Variants in TJP1 observed in about 807,000 individuals in gnomAD.
TJP1 encodes the protein tight junction protein 1, also known as tight junction protein ZO-1.
Under a neutral mutation model 194.2 loss-of-function variants are expected in TJP1, and 43 were observed. The ratio of observed to expected loss-of-function variants is 0.22; its 90% CI spans 0.17 to 0.29. The LOEUF is 0.29. TJP1 is among the 10% of genes least tolerant of loss of function. The probability of loss-of-function intolerance (pLI) is 1.00; values close to 1 mark genes in which losing one functional copy is unlikely to be tolerated. For missense variants in TJP1, 1,971 were observed against 2,185.7 expected, an observed-to-expected ratio of 0.90 and a Z score of 1.96; for synonymous variants, 801 against 779.0, an observed-to-expected ratio of 1.03 and a Z score of -0.47.
At chr15:29,939,000 T>C (rs539489421) in intron 2 of TJP1, among the ~76,000 whole-genome samples, 16 of 152,320 alleles carry the variant, frequency 1.1e-4, no homozygotes, top group African/African-American at 3.1e-4. Context: ...CTTCTGGCTG[T>C]TGGAAGATTT....
chr15:29,716,414 C>CA (rs1344147025), intron 23 of TJP1, among the ~76,000 whole-genome samples, 197 bp downstream of exon 23: 4 of 152,148 alleles, frequency 2.6e-5, no homozygotes, highest in Admixed American at 1.3e-4. Context: ...TTTGTGAATG[C>CA]AAAAACTATG....
intron 2 of TJP1, among the ~76,000 whole-genome samples, chr15:29,865,849 T>C (rs2052283925): frequency 6.6e-6 from 1 of 152,162 alleles, no homozygotes. Context: ...GCTGAAAAGC[T>C]AAAGAAATAG....
intron 2 of TJP1, among the ~76,000 whole-genome samples, chr15:29,939,547 T>C (rs1394441002): frequency 6.6e-6 from 1 of 152,024 alleles, no homozygotes; most frequent in East Asian, 1.9e-4. Context: ...ACTCTGAAGG[T>C]GAAAGCTGGC....
At chr15:29,766,566 A>G in intron 4 of TJP1, 24 bp from the exon 5 acceptor site, 1 of 1,522,548 alleles carries the variant, frequency 6.6e-7, no homozygotes, top group Non-Finnish European at 8.8e-7. Flanking sequence ...AGGTTAAAAA[A>G]TAAGTTGACT....
intron 2 of TJP1, among the ~76,000 whole-genome samples, chr15:29,870,598 G>T (rs1407499977): frequency 6.6e-6 from 1 of 152,204 alleles, no homozygotes; most frequent in African/African-American, 2.4e-5. Flanking sequence ...CACAGAAAAT[G>T]CTTCTGTTGA....
At chr15:29,918,342 A>T (rs890421212) in intron 2 of TJP1, among the ~76,000 whole-genome samples, 4 of 152,208 alleles carry the variant, frequency 2.6e-5, no homozygotes, top group African/African-American at 9.7e-5. Flanking sequence ...TCACTCTTAC[A>T]TGTGAACAGA....
chr15:29,741,378 T>C lies in TJP1; in HGVS notation c.1209A>G (p.Pro403=), dbSNP rs1443426216. Residue 403 remains proline (P), a synonymous_variant, in exon 10 of 28, where the codon CCA becomes CCG. Coordinates refer to ENST00000614355, the MANE Select transcript of TJP1 (RefSeq NM_001330239.4). Reference sequence around the variant, plus strand: ...TTGAATTAGGTAGGACACCATCAGATGGACTGACAGGTAAATCCACATCTG... The same window carrying C: ...TTGAATTAGGTAGGACACCATCAGACGGACTGACAGGTAAATCCACATCTG... ...GQPDVDLPVS[P]SDGVLPNSTH... is the part of the protein sequence containing the mutation. 6.2e-7 allele frequency: 1 copy of C among 1,600,400 alleles called. No homozygotes were observed. The highest frequency in any genetic ancestry group is 8.5e-7 in the Non-Finnish European group (1 of 1,176,482).
chr15:29,798,972 C>T (rs2048598505), intron 2 of TJP1, among the ~76,000 whole-genome samples: 1 of 152,096 alleles, frequency 6.6e-6, no homozygotes, highest in African/African-American at 2.4e-5. Flanking sequence ...AAAAAGAAAC[C>T]ATATCATTGG....
intron 2 of TJP1, among the ~76,000 whole-genome samples, chr15:29,837,346 G>T (rs1308912580): frequency 6.6e-6 from 1 of 152,096 alleles, no homozygotes; most frequent in Admixed American, 6.5e-5. Context: ...ATCACCTGAG[G>T]TCGGGACTTC....
At chr15:29,820,159 CTTTT>C (rs34650430) in intron 1 of TJP1, among the ~76,000 whole-genome samples, 9 of 135,070 alleles carry the variant, frequency 6.7e-5, no homozygotes, top group East Asian at 2.1e-4. Flanking sequence ...TTAATGTTGC[CTTTT>C]TTTTTTTTTT....
chr15:29,723,740 T>C (rs2043075099), intron 18 of TJP1, among the ~76,000 whole-genome samples: 1 of 152,206 alleles, frequency 6.6e-6, no homozygotes, highest in Admixed American at 6.5e-5. Context: ...TGCTTTTCTT[T>C]TGTTAAGTAA....
intron 2 of TJP1, among the ~76,000 whole-genome samples, chr15:29,909,082 A>G (rs1488427271): frequency 1.3e-4 from 20 of 151,252 alleles, no homozygotes; most frequent in African/African-American, 3.9e-4. Flanking sequence ...GCATGAACCC[A>G]GGAGGCGGAG....
intron 2 of TJP1, among the ~76,000 whole-genome samples, chr15:29,831,553 G>A (rs2050837051): frequency 6.6e-6 from 1 of 152,138 alleles, no homozygotes; most frequent in African/African-American, 2.4e-5. Context: ...GCCTATATAG[G>A]AAAAGAGACC....
chr15:29,853,608 T>C (rs1259560115), intron 2 of TJP1, among the ~76,000 whole-genome samples: 1 of 152,208 alleles, frequency 6.6e-6, no homozygotes, highest in Admixed American at 6.5e-5. Context: ...TAGGTGGCTG[T>C]ATTTTTCCCC....
chr15:29,796,696 A>C (rs1045596300), intron 2 of TJP1, among the ~76,000 whole-genome samples: 5 of 152,226 alleles, frequency 3.3e-5, no homozygotes, highest in African/African-American at 1.2e-4. Context: ...ATTTATACAG[A>C]AAGGCAAAGG....
Position 29,781,308 on chromosome 15 carries a change from G to A in TJP1, c.85-7951C>T, listed in dbSNP as rs117152580. 4.0e-3 allele frequency among the ~76,000 whole-genome samples: 613 copies of A among 151,990 alleles called. 15 individuals carry two copies. In the East Asian group the frequency reaches 0.076, roughly 19 times the overall value. ...ATCTCTGAACATACCAGTAACAAAC[G>A]CCGAAAGTGAATCAGTAGTAAATAG... On this transcript the variant is annotated intron_variant, in intron 2 of 27. Transcript: ENST00000614355.
rs1259491146 is a variant in TJP1 at position 29,734,473 on chromosome 15, T to A, written c.1408-91A>T. 5 of 966,280 alleles carry A rather than the reference T, an allele frequency of 5.2e-6. No homozygotes were observed. In the African/African-American group the frequency reaches 5.2e-5, roughly 10 times the overall value. The allele number at this position is 966,280 out of a possible 1,614,324, so 59.9% of individuals were successfully genotyped here. ...CACAGATACTCTCAGTCTACCTAAT[T>A]TGAAAATATCACATCTTTTTTTTTT... On this transcript the variant is annotated intron_variant, in intron 11 of 27. Coordinates refer to ENST00000614355, the MANE Select transcript of TJP1 (RefSeq NM_001330239.4).
At chr15:29,833,879 A>ATTTTTTTTTTTT (rs1460129845) in intron 2 of TJP1, among the ~76,000 whole-genome samples, 15 of 13,786 alleles carry the variant, frequency 1.1e-3, no homozygotes, top group Non-Finnish European at 1.7e-3. Flanking sequence ...ATATATATAT[A>ATTTTTTTTTTTT]TATTTTTTTT....
intron 8 of TJP1, among the ~76,000 whole-genome samples, chr15:29,745,895 A>G (rs910213662): frequency 6.6e-6 from 1 of 152,240 alleles, no homozygotes; most frequent in African/African-American, 2.4e-5. Context: ...CAAACCCTAT[A>G]TATGATACCA....
Sources: gnomAD v4.1 joint callset for allele counts (sites outside exome capture counted in the v4.1 genomes callset) on GRCh38, gnomAD v4.1.1 for gene constraint, MANE v1.5 for transcripts, NCBI Gene and HGNC (gene_info 2026-07-23, HGNC 2026-07-21) for gene names.